HSDL2: variants seen among roughly 807,000 people sequenced by gnomAD.
HSDL2 encodes the protein hydroxysteroid dehydrogenase like 2, also known as hydroxysteroid dehydrogenase-like protein 2.
A neutral mutation model predicts 46.3 loss-of-function variants in HSDL2; 27 were observed. That is an observed-to-expected ratio of 0.58 (90% CI 0.43 to 0.80). The LOEUF (loss-of-function observed/expected upper bound fraction) is 0.80. Among genes scored for constraint, HSDL2 ranks in the 30% least tolerant of loss-of-function variants. HSDL2 has a pLI of 0.00. For missense variants in HSDL2, 451 were observed against 502.7 expected (o/e 0.90, Z 0.98); for synonymous variants, 153 against 163.6 (o/e 0.94, Z 0.50).
chr9:112,381,471 A>G (rs149738117), intron 1 of HSDL2, among the ~76,000 whole-genome samples: 372 of 152,152 alleles, frequency 2.4e-3, no homozygotes, highest in Non-Finnish European at 4.6e-3. Context: ...CTCCTGCCTC[A>G]GCCTCCCGAG....
intron 6 of HSDL2, among the ~76,000 whole-genome samples, chr9:112,434,555 T>C (rs1287219045): frequency 2.0e-5 from 3 of 152,226 alleles, no homozygotes; most frequent in African/African-American, 2.4e-5. Context: ...CAATGGATGA[T>C]ATATCATAGT....
Position 112,405,674 on chromosome 9 carries a change from G to C in HSDL2, c.232G>C (p.Glu78Gln). 2 of 1,613,596 alleles carry C rather than the reference G, an allele frequency of 1.2e-6. No individual in the cohort carries two copies. The highest frequency in any genetic ancestry group is 1.7e-6 in the Non-Finnish European group (2 of 1,179,696). ...GCCATGTATTGTTGATGTGAGAGATGAACAGCAGATCAGTGCTGCAGTGGA... is the reference window on the plus strand; with the variant it reads ...GCCATGTATTGTTGATGTGAGAGATCAACAGCAGATCAGTGCTGCAGTGGA... ...ALPCIVDVRD[E>Q]QQISAAVEKA... is the part of the protein sequence containing the mutation. Residue 78 changes from glutamate to glutamine, a missense_variant, in exon 3 of 11, where the codon GAA (glutamate) becomes CAA (glutamine). Glu to Gln is a conservative substitution (Grantham distance 29, BLOSUM62 2). Transcript: ENST00000398805.
At chr9:112,449,389 T>C (rs1587961576) in intron 8 of HSDL2, among the ~76,000 whole-genome samples, 1 of 152,138 alleles carries the variant, frequency 6.6e-6, no homozygotes. Context: ...GCCCAGCCTC[T>C]TTCCTCTGTT....
chr9:112,459,363 G>T (rs961959530), intron 9 of HSDL2, 86 bp from the exon 10 acceptor site: 3 of 1,429,992 alleles, frequency 2.1e-6, no homozygotes, highest in African/African-American at 2.9e-5. Context: ...ACAGCATTTT[G>T]TAAGATTATT....
chr9:112,386,809 A>G (rs573930771), intron 1 of HSDL2, among the ~76,000 whole-genome samples: 17 of 152,314 alleles, frequency 1.1e-4, no homozygotes, highest in African/African-American at 3.8e-4. Flanking sequence ...AGATTTCTAC[A>G]CGAGCAAAAA....
In HSDL2 at chr9:112,454,006, C is replaced by T. The variant is rs1428977081; in HGVS notation, c.866-7C>T. The T allele has an allele frequency of 6.2e-7, 1 of 1,611,598 alleles. No homozygotes were observed. Among genetic ancestry groups the T allele is most frequent in the African/African-American group, 1.3e-5 (1 of 74,712 alleles). ...TTAAGGTCATTTGCTTCAATAATAT[C>T]TTATAGGTGCTGTTCCAGAATTCAA... On this transcript the variant is annotated splice_region_variant and splice_polypyrimidine_tract_variant and intron_variant, in intron 8 of 10. Coordinates refer to ENST00000398805, the MANE Select transcript of HSDL2 (RefSeq NM_032303.5).
intron 1 of HSDL2, among the ~76,000 whole-genome samples, chr9:112,391,791 G>A (rs1400664872): frequency 1.3e-5 from 2 of 151,274 alleles, no homozygotes; most frequent in African/African-American, 4.9e-5. Flanking sequence ...TGTAATCCCA[G>A]CTACTTGGGA....
chr9:112,445,363 A>C (rs1381594176), intron 8 of HSDL2, among the ~76,000 whole-genome samples: 1 of 152,180 alleles, frequency 6.6e-6, no homozygotes, highest in Non-Finnish European at 1.5e-5. Flanking sequence ...TAAAAAGGAC[A>C]GTCTGATAAG....
At chr9:112,409,845 T>G (rs774912296) in intron 4 of HSDL2, among the ~76,000 whole-genome samples, 1 of 150,826 alleles carries the variant, frequency 6.6e-6, no homozygotes, top group Non-Finnish European at 1.5e-5. Flanking sequence ...AGAGAAAGAC[T>G]GTCTCCAAAG....
At chr9:112,455,311 T>G (rs888470535) in intron 9 of HSDL2, among the ~76,000 whole-genome samples, 1 of 16,072 alleles carries the variant, frequency 6.2e-5, no homozygotes, top group Middle Eastern at 0.026. Context: ...AGCCCCATTA[T>G]ACACAAACCT....
chr9:112,405,777 T>A, intron 3 of HSDL2, 55 bp downstream of exon 3: 1 of 1,083,544 alleles, frequency 9.2e-7, no homozygotes, highest in Non-Finnish European at 1.4e-6. Context: ...AAGGTATAAC[T>A]ATAATGTTAA....
At chr9:112,393,083 C>T (rs1159453672) in intron 1 of HSDL2, among the ~76,000 whole-genome samples, 9 of 152,240 alleles carry the variant, frequency 5.9e-5, no homozygotes, top group Middle Eastern at 3.4e-3. Context: ...TGGTCTGGCA[C>T]GCTAAAAAGT....
intron 9 of HSDL2, among the ~76,000 whole-genome samples, chr9:112,454,898 G>A (rs988538815): frequency 3.3e-5 from 5 of 151,560 alleles, no homozygotes; most frequent in Non-Finnish European, 7.4e-5. Flanking sequence ...TAGAGGTGGG[G>A]TTTTGCCATG....
chr9:112,416,205 T>C (rs1238211334), intron 4 of HSDL2, among the ~76,000 whole-genome samples: 2 of 147,894 alleles, frequency 1.4e-5, no homozygotes, highest in Non-Finnish European at 3.0e-5. Context: ...AGTCCAGGAG[T>C]TTGAGACACG....
intron 1 of HSDL2, among the ~76,000 whole-genome samples, chr9:112,389,503 T>C (rs968081747): frequency 6.6e-6 from 1 of 152,144 alleles, no homozygotes; most frequent in East Asian, 1.9e-4. Flanking sequence ...ATTTGAATTA[T>C]TTACAAATAA....
intron 1 of HSDL2, among the ~76,000 whole-genome samples, chr9:112,401,441 C>CAA (rs398011899): frequency 2.3e-4 from 14 of 61,490 alleles, no homozygotes; most frequent in South Asian, 7.3e-4. Flanking sequence ...GAACCGCTCT[C>CAA]AAAAAAAAAA....
At chr9:112,385,048 G>A (rs561906482) in intron 1 of HSDL2, among the ~76,000 whole-genome samples, 13 of 152,098 alleles carry the variant, frequency 8.5e-5, no homozygotes, top group Admixed American at 2.6e-4. Flanking sequence ...AGGTCACCAC[G>A]ACCTGTCTAC....
intron 8 of HSDL2, among the ~76,000 whole-genome samples, chr9:112,446,003 G>A (rs944557219): frequency 2.6e-5 from 4 of 152,136 alleles, no homozygotes; most frequent in Admixed American, 1.3e-4. Flanking sequence ...TATAGTTTTC[G>A]TGTGGAAGAA....
intron 8 of HSDL2, among the ~76,000 whole-genome samples, chr9:112,447,020 A>T (rs904891749): frequency 6.6e-6 from 1 of 151,938 alleles, no homozygotes; most frequent in African/African-American, 2.4e-5. Context: ...TCTGGGGCTG[A>T]CTCCATGTAC....
Sources: gnomAD v4.1 joint callset for allele counts (sites outside exome capture counted in the v4.1 genomes callset) on GRCh38, gnomAD v4.1.1 for gene constraint, MANE v1.5 for transcripts, NCBI Gene and HGNC (gene_info 2026-07-23, HGNC 2026-07-21) for gene names.